Variants in MEIOSIN observed in about 807,000 individuals in gnomAD.
MEIOSIN encodes meiosis initiator.
A neutral mutation model predicts 23.4 loss-of-function variants in MEIOSIN; 18 were observed. The ratio of observed to expected loss-of-function variants is 0.77; its 90% CI spans 0.53 to 1.14. The LOEUF (loss-of-function observed/expected upper bound fraction) is 1.14, where lower values mean the gene tolerates loss of function less well. Ranked by LOEUF, MEIOSIN falls within the 50% of genes most tolerant of loss-of-function variation. MEIOSIN has a pLI of 0.00. For synonymous variants in MEIOSIN, 187 were observed against 100.6 expected, an observed-to-expected ratio of 1.86 and a Z score of -5.14; for missense variants, 428 against 242.9, an observed-to-expected ratio of 1.76 and a Z score of -5.07.
At chr19:45,757,958 G>T (rs1380669315) in intron 9 of MEIOSIN, among the ~76,000 whole-genome samples, 2 of 152,074 alleles carry the variant, frequency 1.3e-5, no homozygotes, top group African/African-American at 2.4e-5. Context: ...TTCTCAAAGT[G>T]CTGGGATTAC....
At chr19:45,757,679 C>T (rs1398937315) in intron 9 of MEIOSIN, among the ~76,000 whole-genome samples, 1 of 152,102 alleles carries the variant, frequency 6.6e-6, no homozygotes, top group Non-Finnish European at 1.5e-5. Flanking sequence ...CACCACCATG[C>T]CCAGCTAATT....
At chr19:45,757,302 C>T in intron 9 of MEIOSIN, 25 bp downstream of exon 9, 1 of 699,906 alleles carries the variant, frequency 1.4e-6, no homozygotes, top group African/African-American at 1.7e-5. Context: ...GTCTCTCCTC[C>T]TTGTAGGCTG....
chr19:45,760,237 G>C (rs1031550844), intron 11 of MEIOSIN, among the ~76,000 whole-genome samples: 2 of 152,074 alleles, frequency 1.3e-5, no homozygotes, highest in African/African-American at 2.4e-5. Context: ...AGAGGCTGAC[G>C]TAGGCGGATC....
intron 1 of MEIOSIN, 109 bp from the exon 2 acceptor site, chr19:45,735,268 G>T: frequency 1.6e-6 from 1 of 633,228 alleles, no homozygotes. Context: ...TGGGATCTCT[G>T]GGTGCTCAAA....
chr19:45,754,843 G>T, intron 7 of MEIOSIN, 119 bp downstream of exon 7: 1 of 630,762 alleles, frequency 1.6e-6, no homozygotes, highest in Non-Finnish European at 2.9e-6. Context: ...AGGAAACACC[G>T]CCTCTTACTT....
chr19:45,740,521 C>A (rs765255825), intron 3 of MEIOSIN, among the ~76,000 whole-genome samples: 29 of 152,072 alleles, frequency 1.9e-4, no homozygotes, highest in Non-Finnish European at 3.2e-4. Context: ...GAGGCCAAGG[C>A]GGATAGATCA....
intron 3 of MEIOSIN, among the ~76,000 whole-genome samples, chr19:45,743,111 C>T (rs530880033): frequency 6.6e-6 from 1 of 152,168 alleles, no homozygotes; most frequent in Non-Finnish European, 1.5e-5. Context: ...GACTACTGCC[C>T]AGACACTGGG....
rs1206139414 is a variant in MEIOSIN, at chr19:45,764,364, CG to C, written c.*250del. On this transcript the variant is annotated 3_prime_UTR_variant, in exon 15 of 15. Transcript: ENST00000457052. Reference sequence around the variant, plus strand: ...TAGGAAGGAAACCCAAAATGAAATGCGGGGTGTCGGAAGGTGAAGTTTACCC... The same window carrying C: ...TAGGAAGGAAACCCAAAATGAAATGCGGGTGTCGGAAGGTGAAGTTTACCC... 5 of 377,418 alleles carry C rather than the reference CG, an allele frequency of 1.3e-5. No homozygotes were observed. Among genetic ancestry groups the C allele is most frequent in the Non-Finnish European group, 2.3e-5 (5 of 212,834 alleles). The allele number at this position is 377,418 out of a possible 1,614,324, so 23.4% of individuals were successfully genotyped here. A position where few individuals can be genotyped will look rare whatever the true frequency, so the allele number is the denominator to read the frequency against.
rs1034489994 is a variant in MEIOSIN at position 45,763,476 on chromosome 19, C to T, written c.1769+49C>T. On this transcript the variant is annotated intron_variant, in intron 14 of 14. Coordinates refer to ENST00000457052, the MANE Select transcript of MEIOSIN (RefSeq NM_001310124.2). ...GTGGGTGGGGGGTGGAAGAGCCTCC[C>T]TACCCCGGAACCCTGCTCTGTCTCT... 15 of 398,540 alleles carry T rather than the reference C, an allele frequency of 3.8e-5. No homozygotes were observed. The Admixed American group carries it at 4.0e-4, about 11-fold the overall frequency. 24.7% of individuals were successfully genotyped at this position (398,540 alleles called of 1,614,324 possible).
chr19:45,760,921 T>C (rs1968924902), intron 11 of MEIOSIN, among the ~76,000 whole-genome samples: 2 of 125,870 alleles, frequency 1.6e-5, no homozygotes, highest in Admixed American at 9.2e-5. Flanking sequence ...TAAGACTCCG[T>C]CTCAAAAAAA....
chr19:45,737,391 G>A (rs900315959), intron 2 of MEIOSIN, among the ~76,000 whole-genome samples: 1 of 150,842 alleles, frequency 6.6e-6, no homozygotes, highest in Non-Finnish European at 1.5e-5. Context: ...TGTTGCCGAG[G>A]CTGGTCTCAA....
Position 45,759,006 on chromosome 19 carries a change from GAGGATGACATGGAGTACCTGACCC to G in MEIOSIN, c.1143_1166del (p.Asp382_Gln389del). On this transcript the variant is annotated inframe_deletion, in exon 10 of 15. Transcript: ENST00000457052. ...GAAACTGCTGCCAGACGAGATCTTG[GAGGATGACATGGAGTACCTGACCC>G]AAGGTGAGGCCCAGGCCTGGCCCTG... 1 of 703,110 alleles carries G rather than the reference GAGGATGACATGGAGTACCTGACCC, an allele frequency of 1.4e-6. No individual in the cohort carries two copies. The highest frequency in any genetic ancestry group is 2.6e-6 in the Non-Finnish European group (1 of 385,026). 43.6% of individuals were successfully genotyped at this position (703,110 alleles called of 1,614,324 possible). A position where few individuals can be genotyped will look rare whatever the true frequency, so the allele number is the denominator to read the frequency against.
rs972331996 is a variant in MEIOSIN, at chr19:45,764,373, G to A, written c.*255G>A. 5.1e-5 allele frequency: 19 copies of A among 371,762 alleles called. No individual in the cohort carries two copies. The highest frequency in any genetic ancestry group is 8.3e-5 in the African/African-American group (4 of 48,218). The allele number at this position is 371,762 out of a possible 1,614,324, so 23.0% of individuals were successfully genotyped here. A position where few individuals can be genotyped will look rare whatever the true frequency, so the allele number is the denominator to read the frequency against. ...AACCCAAAATGAAATGCGGGGTGTC[G>A]GAAGGTGAAGTTTACCCACCCCTCT... On this transcript the variant is annotated 3_prime_UTR_variant, in exon 15 of 15. Transcript: ENST00000457052.
chr19:45,744,049 CTT>C (rs373791690), intron 3 of MEIOSIN, among the ~76,000 whole-genome samples: 47 of 144,192 alleles, frequency 3.3e-4, no homozygotes, highest in Non-Finnish European at 4.1e-4. Flanking sequence ...CTTATTTTTA[CTT>C]TTTTTTTTTT....
At chr19:45,736,022 T>G (rs78957054) in intron 2 of MEIOSIN, among the ~76,000 whole-genome samples, 1 of 152,002 alleles carries the variant, frequency 6.6e-6, no homozygotes. Flanking sequence ...CTAAGGTCCT[T>G]GCAGCCTGTG....
Position 45,759,031 on chromosome 19 carries a change from A to G in MEIOSIN, c.1166A>G (p.Gln389Arg). The change falls in exon 10 of 15, where the codon CAA becomes CGA. Residue 389 changes from glutamine to arginine, a missense_variant and splice_region_variant. By Grantham distance (43) the Gln-to-Arg change is conservative (BLOSUM62 1). Coordinates refer to ENST00000457052, the MANE Select transcript of MEIOSIN (RefSeq NM_001310124.2). The stretch of plus-strand genomic sequence containing the variant: ...GAGGATGACATGGAGTACCTGACCC[A>G]AGGTGAGGCCCAGGCCTGGCCCTGA... ...ILEDDMEYLT[Q>R]AAFFEEVCLD... is the part of the protein sequence containing the mutation. The G allele has an allele frequency of 1.4e-6, 1 of 703,070 alleles. No individual in the cohort carries two copies. Among genetic ancestry groups the G allele is most frequent in the Non-Finnish European group, 2.6e-6 (1 of 385,010 alleles). The allele number at this position is 703,070 out of a possible 1,614,324, so 43.6% of individuals were successfully genotyped here.
intron 8 of MEIOSIN, among the ~76,000 whole-genome samples, chr19:45,756,879 T>C (rs560500313): frequency 2.0e-4 from 31 of 152,232 alleles, no homozygotes; most frequent in Non-Finnish European, 4.0e-4. Context: ...CTTCTCACAT[T>C]CCAGTACTTC....
chr19:45,742,083 T>G (rs1968515937), intron 3 of MEIOSIN, among the ~76,000 whole-genome samples: 1 of 152,050 alleles, frequency 6.6e-6, no homozygotes, highest in South Asian at 2.1e-4. Context: ...ACCATGTTGA[T>G]CAGGCTGGTC....
At chr19:45,734,956 T>C (rs1408300055) in intron 1 of MEIOSIN, among the ~76,000 whole-genome samples, 1 of 151,906 alleles carries the variant, frequency 6.6e-6, no homozygotes, top group African/African-American at 2.4e-5. Flanking sequence ...TGCAGTGGCT[T>C]AATCCTGGCT....
Sources: allele counts gnomAD v4.1 joint callset (sites outside exome capture counted in the v4.1 genomes callset), GRCh38; gene constraint gnomAD v4.1.1; transcripts MANE v1.5; gene names NCBI Gene and HGNC (gene_info 2026-07-23, HGNC 2026-07-21).